The following MAML2 variants were observed in gnomAD, a reference collection of about 807,000 sequenced individuals.
The protein encoded by MAML2 is mastermind like transcriptional coactivator 2.
A neutral mutation model predicts 96.1 loss-of-function variants in MAML2; 22 were observed. The observed-to-expected ratio is 0.23, with a 90% CI of 0.16 to 0.33. The LOEUF is 0.33. MAML2 is among the 10% of genes least tolerant of loss of function. The pLI is 1.00. For synonymous variants in MAML2, 561 were observed against 521.3 expected (o/e 1.08, Z -1.04); for missense variants, 1,367 against 1,392.4 (o/e 0.98, Z 0.29).
At chr11:96,319,535 C>T (rs1384302941) in intron 1 of MAML2, among the ~76,000 whole-genome samples, 1 of 152,110 alleles carries the variant, frequency 6.6e-6, no homozygotes, top group African/African-American at 2.4e-5. Flanking sequence ...AATAATAGCT[C>T]AATTTTACAA....
At chr11:96,047,665 C>G (rs961780948) in intron 2 of MAML2, among the ~76,000 whole-genome samples, 1 of 151,910 alleles carries the variant, frequency 6.6e-6, no homozygotes, top group African/African-American at 2.4e-5. Flanking sequence ...AATCCCAGCA[C>G]GTTGAAAGGC....
chr11:96,159,407 CTTTTTTTTTT>C (rs760811590), intron 1 of MAML2, among the ~76,000 whole-genome samples: 1 of 91,122 alleles, frequency 1.1e-5, no homozygotes, highest in South Asian at 4.0e-4. Context: ...ACCACTGATT[CTTTTTTTTTT>C]TTTTTTTTTT....
chr11:96,035,202 G>C (rs1858691185), intron 2 of MAML2, among the ~76,000 whole-genome samples: 1 of 152,222 alleles, frequency 6.6e-6, no homozygotes, highest in Non-Finnish European at 1.5e-5. Context: ...GGGCAAGTGT[G>C]AGATAGGTCA....
intron 1 of MAML2, among the ~76,000 whole-genome samples, chr11:96,100,705 T>G (rs1859912491): frequency 6.6e-6 from 1 of 151,642 alleles, no homozygotes; most frequent in Admixed American, 6.6e-5. Context: ...GTTTGGACCC[T>G]GAGAAATGTT....
At chr11:96,341,073 G>A (rs1863986270) in intron 1 of MAML2, among the ~76,000 whole-genome samples, 2 of 152,152 alleles carry the variant, frequency 1.3e-5, no homozygotes, top group African/African-American at 4.8e-5. Flanking sequence ...CTTCCTCAGT[G>A]GCTCAGATCT....
intron 4 of MAML2, among the ~76,000 whole-genome samples, chr11:95,981,466 T>A (rs1195118248): frequency 1.3e-5 from 2 of 152,212 alleles, no homozygotes; most frequent in African/African-American, 4.8e-5. Flanking sequence ...TATCACAATG[T>A]CAGTGGATGG....
chr11:96,140,292 T>C (rs1312698893), intron 1 of MAML2, among the ~76,000 whole-genome samples: 2 of 152,244 alleles, frequency 1.3e-5, no homozygotes, highest in Non-Finnish European at 2.9e-5. Flanking sequence ...TTCACCATAC[T>C]GTTGACAAGT....
chr11:95,979,006 C>G lies in MAML2; in HGVS notation c.3413G>C (p.Gly1138Ala). ...FIDSLLKTEP[G>A]NDDWMKDINL... is the part of the protein sequence containing the mutation. ...GATGTCTTTCATCCAGTCATCATTA[C>G]CAGGCTCTGTCTTCAATAAAGAATC... Residue 1138 changes from glycine (G) to alanine (A), a missense_variant, in exon 5 of 5, where the codon GGT (glycine) becomes GCT (alanine). Physicochemically the swap from Gly to Ala is moderately conservative, Grantham distance 60. Transcript: ENST00000524717. 3 of 1,613,870 alleles carry G rather than the reference C, an allele frequency of 1.9e-6. No individual in the cohort carries two copies. Among genetic ancestry groups the G allele is most frequent in the Non-Finnish European group, 2.5e-6 (3 of 1,179,856 alleles).
intron 1 of MAML2, among the ~76,000 whole-genome samples, chr11:96,217,841 A>T (rs1034587589): frequency 3.3e-5 from 5 of 152,254 alleles, no homozygotes; most frequent in Non-Finnish European, 4.4e-5. Flanking sequence ...AGTGTAATTC[A>T]GTACTTCTTT....
intron 1 of MAML2, among the ~76,000 whole-genome samples, chr11:96,278,323 A>C (rs1245132377): frequency 6.6e-6 from 1 of 152,182 alleles, no homozygotes; most frequent in African/African-American, 2.4e-5. Flanking sequence ...TCTTTCATGC[A>C]TGCCTCGTGC....
chr11:96,253,162 T>C (rs1046070481), intron 1 of MAML2, among the ~76,000 whole-genome samples: 1 of 152,212 alleles, frequency 6.6e-6, no homozygotes, highest in African/African-American at 2.4e-5. Context: ...TTGCATCATA[T>C]GTAAATAGGA....
intron 2 of MAML2, among the ~76,000 whole-genome samples, chr11:96,027,504 T>A (rs571146790): frequency 1.3e-5 from 2 of 152,214 alleles, no homozygotes; most frequent in South Asian, 4.1e-4. Context: ...AGCATGGGAA[T>A]GATCTGGAAA....
rs959999734 is a variant in MAML2 at position 96,118,849 on chromosome 11, C to CA, written c.514-25333dup. ...CATAGTATTTCTACATAATCAAAGA[C>CA]AAAAAAAAATTCTTTTTTTTTCCTT... On this transcript the variant is annotated intron_variant, in intron 1 of 4. Coordinates refer to ENST00000524717, the MANE Select transcript of MAML2 (RefSeq NM_032427.4). 1.4e-3 allele frequency among the ~76,000 whole-genome samples: 210 copies of CA among 151,368 alleles called. 1 individual carries two copies. Among genetic ancestry groups the CA allele is most frequent in the African/African-American group, 4.5e-3 (184 of 41,266 alleles).
At chr11:96,242,613 CAGTTCATGAA>C (rs1354110516) in intron 1 of MAML2, among the ~76,000 whole-genome samples, 1 of 152,064 alleles carries the variant, frequency 6.6e-6, no homozygotes, top group South Asian at 2.1e-4. Context: ...TCATTTGGCT[CAGTTCATGAA>C]AGCCATCTGC....
intron 1 of MAML2, among the ~76,000 whole-genome samples, chr11:96,146,971 T>C (rs1565228619): frequency 6.6e-6 from 1 of 152,214 alleles, no homozygotes; most frequent in Non-Finnish European, 1.5e-5. Context: ...CTCCTGGGGA[T>C]CATGAGACTT....
chr11:96,056,218 C>A (rs1375349464), intron 2 of MAML2, among the ~76,000 whole-genome samples: 1 of 152,146 alleles, frequency 6.6e-6, no homozygotes, highest in East Asian at 1.9e-4. Flanking sequence ...GCTCTTAGCA[C>A]TCATTTGTGA....
intron 1 of MAML2, among the ~76,000 whole-genome samples, chr11:96,136,637 G>A (rs1374149257): frequency 6.6e-6 from 1 of 152,100 alleles, no homozygotes; most frequent in East Asian, 1.9e-4. Context: ...AGTATGGTAG[G>A]TATTTATTTA....
intron 1 of MAML2, among the ~76,000 whole-genome samples, chr11:96,147,768 C>G (rs528313958): frequency 2.6e-4 from 39 of 152,316 alleles, no homozygotes; most frequent in African/African-American, 9.4e-4. Context: ...TAGTTTTTTA[C>G]ACTCCAGTAT....
chr11:96,281,575 C>T (rs1373342293), intron 1 of MAML2, among the ~76,000 whole-genome samples: 1 of 151,910 alleles, frequency 6.6e-6, no homozygotes, highest in Non-Finnish European at 1.5e-5. Context: ...GTTAGCAGCC[C>T]TGGTTTTGAG....
Sources: gnomAD v4.1 joint callset for allele counts (sites outside exome capture counted in the v4.1 genomes callset) on GRCh38, gnomAD v4.1.1 for gene constraint, MANE v1.5 for transcripts, NCBI Gene and HGNC (gene_info 2026-07-23, HGNC 2026-07-21) for gene names.